Variants in TMEM178B observed in about 807,000 individuals in gnomAD.
The protein encoded by TMEM178B is transmembrane protein 178B.
Under a neutral mutation model 31.0 loss-of-function variants are expected in TMEM178B, and 5 were observed. That is an observed-to-expected ratio of 0.16 (90% CI 0.08 to 0.34). TMEM178B has a LOEUF of 0.34. Ranked by LOEUF, TMEM178B falls within the 10% of genes least tolerant of loss-of-function variation. TMEM178B has a pLI of 1.00. For synonymous variants in TMEM178B, 164 were observed against 164.0 expected (o/e 1.00, Z 0.00); for missense variants, 275 against 400.3 (o/e 0.69, Z 2.67).
At chr7:141,170,883 C>T (rs770221557) in intron 1 of TMEM178B, among the ~76,000 whole-genome samples, 11 of 152,152 alleles carry the variant, frequency 7.2e-5, no homozygotes, top group Admixed American at 6.5e-4. Context: ...ACCCTGAATA[C>T]GCCAAACTGC....
chr7:141,115,913 A>G (rs1034539929), intron 1 of TMEM178B, among the ~76,000 whole-genome samples: 2 of 152,232 alleles, frequency 1.3e-5, no homozygotes, highest in South Asian at 4.1e-4. Flanking sequence ...GCTCTCATAT[A>G]TCCATGAAAC....
intron 1 of TMEM178B, among the ~76,000 whole-genome samples, chr7:141,105,865 TG>T (rs1026759735): frequency 5.9e-5 from 9 of 152,030 alleles, no homozygotes; most frequent in African/African-American, 2.2e-4. Context: ...GAGGCCAAGG[TG>T]GGTGGATCCC....
intron 1 of TMEM178B, among the ~76,000 whole-genome samples, chr7:141,166,680 G>T (rs1249295168): frequency 2.0e-5 from 3 of 152,182 alleles, no homozygotes; most frequent in Non-Finnish European, 4.4e-5. Flanking sequence ...CATGTATCAG[G>T]TGCTCCTTTT....
intron 1 of TMEM178B, among the ~76,000 whole-genome samples, chr7:141,079,558 T>C (rs1159575933): frequency 5.3e-5 from 8 of 152,296 alleles, no homozygotes; most frequent in African/African-American, 1.7e-4. Context: ...AACTGCTACT[T>C]GAATATATTG....
intron 1 of TMEM178B, among the ~76,000 whole-genome samples, chr7:141,147,231 T>C (rs1020381902): frequency 4.0e-5 from 6 of 151,706 alleles, no homozygotes; most frequent in African/African-American, 1.5e-4. Flanking sequence ...CTCCTTCCCT[T>C]TCTCCTTCCC....
At chr7:141,270,634 A>G (rs1296102377) in intron 2 of TMEM178B, among the ~76,000 whole-genome samples, 1 of 152,220 alleles carries the variant, frequency 6.6e-6, no homozygotes, top group Non-Finnish European at 1.5e-5. Context: ...TAGGCTTTTT[A>G]AAAACACTAT....
chr7:141,350,090 C>A (rs931468297), intron 2 of TMEM178B, among the ~76,000 whole-genome samples: 5 of 152,088 alleles, frequency 3.3e-5, no homozygotes, highest in Non-Finnish European at 5.9e-5. Flanking sequence ...TGACACTGTG[C>A]TGGGCTTGAA....
rs766681515 is a variant in TMEM178B, at chr7:141,177,400, C to T, written c.383-35191C>T. 3.5e-4 allele frequency among the ~76,000 whole-genome samples: 53 copies of T among 152,212 alleles called. 1 individual carries two copies. Among genetic ancestry groups the T allele is most frequent in the African/African-American group, 1.2e-3 (49 of 41,544 alleles). ...ATTTTAGAATAAGTGTGATGTGGAG[C>T]GGAGAAGAATGTATATTCTGTTGAT... On this transcript the variant is annotated intron_variant, in intron 1 of 3. Transcript: ENST00000565468.
chr7:141,085,657 C>T (rs1296619061), intron 1 of TMEM178B, among the ~76,000 whole-genome samples: 3 of 151,486 alleles, frequency 2.0e-5, no homozygotes, highest in African/African-American at 7.4e-5. Flanking sequence ...CTCAATTTCT[C>T]TTCATCTTTA....
rs980698734 is a variant in TMEM178B, at chr7:141,470,765, C to T, written c.864C>T (p.Pro288=). ...GGACCAACTACCCTAAATCCAGACCCGAGAATGGGACAGTGTGCTAAAAAA... is the reference window on the plus strand; with the variant it reads ...GGACCAACTACCCTAAATCCAGACCTGAGAATGGGACAGTGTGCTAAAAAA... ...VPRTNYPKSR[P]ENGTVC is the part of the protein sequence containing the mutation. The change falls in exon 4 of 4, where the codon CCC becomes CCT. Residue 288 remains proline, a synonymous_variant. Transcript: ENST00000565468. 76 of 1,519,960 alleles carry T rather than the reference C, an allele frequency of 5.0e-5. No individual in the cohort carries two copies. Among genetic ancestry groups the T allele is most frequent in the Non-Finnish European group, 5.6e-5 (64 of 1,139,522 alleles). 94.2% of individuals were successfully genotyped at this position (1,519,960 alleles called of 1,614,324 possible).
chr7:141,196,091 A>G (rs993887803), intron 1 of TMEM178B, among the ~76,000 whole-genome samples: 2 of 152,110 alleles, frequency 1.3e-5, no homozygotes, highest in Non-Finnish European at 2.9e-5. Context: ...ATCAATGTGC[A>G]GTTCTATTTG....
At chr7:141,361,647 A>G (rs1021669053) in intron 2 of TMEM178B, among the ~76,000 whole-genome samples, 2 of 152,166 alleles carry the variant, frequency 1.3e-5, no homozygotes, top group Non-Finnish European at 2.9e-5. Flanking sequence ...GAGCAGAGTA[A>G]CCCTTGTCCC....
chr7:141,300,252 G>A (rs1011371833), intron 2 of TMEM178B, among the ~76,000 whole-genome samples: 2 of 152,146 alleles, frequency 1.3e-5, no homozygotes, highest in African/African-American at 2.4e-5. Context: ...TGTTGCCACC[G>A]TTGCCTGCCC....
intron 2 of TMEM178B, among the ~76,000 whole-genome samples, chr7:141,229,869 G>A (rs796283712): frequency 8.5e-5 from 13 of 152,228 alleles, no homozygotes; most frequent in African/African-American, 2.9e-4. Flanking sequence ...GAATGAGACC[G>A]TTTCAAAACA....
chr7:141,390,858 G>C (rs1256109535), intron 2 of TMEM178B, among the ~76,000 whole-genome samples: 1 of 152,176 alleles, frequency 6.6e-6, no homozygotes, highest in Non-Finnish European at 1.5e-5. Context: ...GCCAGTATCT[G>C]AACATTGATT....
At chr7:141,234,100 C>T (rs559337006) in intron 2 of TMEM178B, among the ~76,000 whole-genome samples, 3 of 152,280 alleles carry the variant, frequency 2.0e-5, no homozygotes, top group East Asian at 1.9e-4. Flanking sequence ...CTCTCTTTTG[C>T]CTGCCTCTTG....
At chr7:141,283,436 C>G (rs1353894981) in intron 2 of TMEM178B, among the ~76,000 whole-genome samples, 3 of 152,222 alleles carry the variant, frequency 2.0e-5, no homozygotes, top group African/African-American at 7.2e-5. Flanking sequence ...TGGCTTCCTT[C>G]TTAAACATTT....
At chr7:141,337,263 C>CACCACCACCATCACCACT in intron 2 of TMEM178B, among the ~76,000 whole-genome samples, 1 of 138,650 alleles carries the variant, frequency 7.2e-6, no homozygotes, top group African/African-American at 2.7e-5. Flanking sequence ...ACATCATCAC[C>CACCACCACCATCACCACT]ACCACCACCA....
At chr7:141,282,393 G>A (rs1376937571) in intron 2 of TMEM178B, among the ~76,000 whole-genome samples, 2 of 152,150 alleles carry the variant, frequency 1.3e-5, no homozygotes, top group African/African-American at 2.4e-5. Flanking sequence ...AAGAGAAGAC[G>A]CTAAGATAGG....
Sources: allele counts gnomAD v4.1 joint callset (sites outside exome capture counted in the v4.1 genomes callset), GRCh38; gene constraint gnomAD v4.1.1; transcripts MANE v1.5; gene names NCBI Gene and HGNC (gene_info 2026-07-23, HGNC 2026-07-21).